The following GABRB1 variants were observed in gnomAD, a reference collection of about 807,000 sequenced individuals.
GABRB1 encodes gamma-aminobutyric acid receptor subunit beta-1.
Under a neutral mutation model 51.6 loss-of-function variants are expected in GABRB1, and 17 were observed. That is an observed-to-expected ratio of 0.33 (90% CI 0.23 to 0.49). The LOEUF (loss-of-function observed/expected upper bound fraction) is 0.49. Among genes scored for constraint, GABRB1 ranks in the 20% least tolerant of loss-of-function variants. The pLI, the probability that GABRB1 is intolerant of heterozygous loss-of-function variation, is 0.99. For synonymous variants in GABRB1, 247 were observed against 218.9 expected (o/e 1.13, Z -1.14); for missense variants, 410 against 600.6 (o/e 0.68, Z 3.32).
In GABRB1 at chr4:47,106,145, C is replaced by T. The variant is rs111823331; in HGVS notation, c.241-55104C>T. On this transcript the variant is annotated intron_variant, in intron 3 of 8. Transcript: ENST00000295454. Reference sequence around the variant, plus strand: ...GAGTGATGATCTTTTTATCTTTTTACGTAAAAATAGGTTTTTATTTGATCC... The same window carrying T: ...GAGTGATGATCTTTTTATCTTTTTATGTAAAAATAGGTTTTTATTTGATCC... Among the ~76,000 whole-genome samples, 1,181 of 152,020 alleles carry T rather than the reference C, an allele frequency of 7.8e-3. 12 individuals are homozygous for T. The highest frequency in any genetic ancestry group is 0.027 in the African/African-American group (1,101 of 41,488).
At chr4:47,105,301 A>G (rs1714912996) in intron 3 of GABRB1, among the ~76,000 whole-genome samples, 1 of 151,930 alleles carries the variant, frequency 6.6e-6, no homozygotes. Context: ...CAGAGAATCA[A>G]TCTCTCTTTT....
chr4:47,263,885 A>G (rs887262950), intron 4 of GABRB1, among the ~76,000 whole-genome samples: 4 of 152,208 alleles, frequency 2.6e-5, no homozygotes, highest in Admixed American at 6.5e-5. Flanking sequence ...CAGTGTTCAC[A>G]CTTGTAATCC....
At chr4:47,072,890 T>C (rs1236797580) in intron 3 of GABRB1, among the ~76,000 whole-genome samples, 2 of 152,178 alleles carry the variant, frequency 1.3e-5, no homozygotes, top group East Asian at 1.9e-4. Flanking sequence ...TAATCAGCAT[T>C]GTTAATGTGA....
intron 4 of GABRB1, among the ~76,000 whole-genome samples, chr4:47,161,843 A>G (rs1396527363): frequency 6.6e-6 from 1 of 152,074 alleles, no homozygotes; most frequent in African/African-American, 2.4e-5. Flanking sequence ...CAGAGTGTTC[A>G]TAAGCCCCTT....
chr4:47,091,793 C>T (rs1279078277), intron 3 of GABRB1, among the ~76,000 whole-genome samples: 1 of 152,214 alleles, frequency 6.6e-6, no homozygotes, highest in African/African-American at 2.4e-5. Flanking sequence ...CTGGCTCCTG[C>T]AACAGCCTCC....
intron 1 of GABRB1, among the ~76,000 whole-genome samples, chr4:47,003,732 AGAATCAGGATTG>A (rs762388962): frequency 1.9e-4 from 29 of 152,220 alleles, no homozygotes; most frequent in Non-Finnish European, 3.1e-4. Flanking sequence ...GCTAACTACC[AGAATCAGGATTG>A]GAATCCCAGT....
chr4:47,413,927 A>G (rs1728837104), intron 8 of GABRB1, among the ~76,000 whole-genome samples: 1 of 152,168 alleles, frequency 6.6e-6, no homozygotes, highest in Non-Finnish European at 1.5e-5. Flanking sequence ...GAAAATAGAG[A>G]TGGTATTTAG....
chr4:47,206,599 T>A (rs1720135287), intron 4 of GABRB1, among the ~76,000 whole-genome samples: 1 of 152,002 alleles, frequency 6.6e-6, no homozygotes, highest in South Asian at 2.1e-4. Context: ...TTTCATTTAA[T>A]CTTCAGAACA....
In GABRB1 at chr4:47,095,972, G is replaced by A. The variant is rs569933228; in HGVS notation, c.240+63488G>A. 9.8e-5 allele frequency among the ~76,000 whole-genome samples: 15 copies of A among 152,286 alleles called. No individual in the cohort carries two copies. The East Asian group carries it at 2.9e-3, about 29-fold the overall frequency. ...TATAAAGTGCTCAGAGTAGGATAAT[G>A]ACAAGTATCTCACTTCTTTATTGAT... On this transcript the variant is annotated intron_variant, in intron 3 of 8. Transcript: ENST00000295454.
intron 4 of GABRB1, among the ~76,000 whole-genome samples, chr4:47,186,437 G>T (rs558017702): frequency 6.6e-6 from 1 of 151,820 alleles, no homozygotes; most frequent in Non-Finnish European, 1.5e-5. Context: ...ATTTATGGAA[G>T]AAATTTGTCT....
chr4:47,387,408 G>T (rs927604439), intron 5 of GABRB1, among the ~76,000 whole-genome samples: 12 of 152,134 alleles, frequency 7.9e-5, no homozygotes, highest in Non-Finnish European at 1.6e-4. Flanking sequence ...GGAGGTAGAG[G>T]TTGCAATAAG....
rs2109998555 is a variant in GABRB1 at position 47,351,184 on chromosome 4, C to G, written c.544+30975C>G. Among the ~76,000 whole-genome samples the G allele has an allele frequency of 1.3e-5, 2 of 152,282 alleles. 1 individual carries two copies. The highest frequency in any genetic ancestry group is 4.1e-4 in the South Asian group (2 of 4,830). The stretch of plus-strand genomic sequence containing the variant: ...GTGAAAAAGAATCACATCTATAGGT[C>G]TCTGCCATGGCACCATATTGGAAAA... On this transcript the variant is annotated intron_variant, in intron 5 of 8. Coordinates refer to ENST00000295454, the MANE Select transcript of GABRB1 (RefSeq NM_000812.4).
upstream of GABRB1, among the ~76,000 whole-genome samples, chr4:47,028,216 T>C (rs1725163866): frequency 6.6e-6 from 1 of 151,756 alleles, no homozygotes; most frequent in African/African-American, 2.4e-5. Context: ...TAGGTGTGTA[T>C]GTTTATGGGG....
chr4:47,380,761 A>G (rs1042706568), intron 5 of GABRB1, among the ~76,000 whole-genome samples: 2 of 152,198 alleles, frequency 1.3e-5, no homozygotes, highest in African/African-American at 4.8e-5. Context: ...TAGTTATTCA[A>G]TGAAGATTGG....
chr4:47,047,140 TTAAAA>T lies in GABRB1; in HGVS notation c.240+14662_240+14666del, dbSNP rs559137812. Among the ~76,000 whole-genome samples the T allele has an allele frequency of 1.4e-3, 218 of 151,838 alleles. 2 individuals are homozygous for T. Among genetic ancestry groups the T allele is most frequent in the African/African-American group, 5.1e-3 (209 of 41,386 alleles). On this transcript the variant is annotated intron_variant, in intron 3 of 8. Coordinates refer to ENST00000295454, the MANE Select transcript of GABRB1 (RefSeq NM_000812.4). ...AACTTTCACATGTACTCCTCTGAAC[TTAAAA>T]TAAAAGTTAAAAAAAATTAAACAAA... is the stretch of plus-strand genomic sequence containing the variant.
chr4:47,330,246 A>G (rs926365294), intron 5 of GABRB1, among the ~76,000 whole-genome samples: 2 of 152,144 alleles, frequency 1.3e-5, no homozygotes, highest in Admixed American at 1.3e-4. Flanking sequence ...CAGTCTACTG[A>G]TTTAAATGTT....
At chr4:47,186,681 G>A (rs540725350) in intron 4 of GABRB1, among the ~76,000 whole-genome samples, 1 of 151,844 alleles carries the variant, frequency 6.6e-6, no homozygotes, top group Admixed American at 6.6e-5. Context: ...TCTCTGTCTT[G>A]AACAAATAAC....
intron 3 of GABRB1, among the ~76,000 whole-genome samples, chr4:47,095,295 G>A (rs1714352255): frequency 6.6e-6 from 1 of 151,844 alleles, no homozygotes; most frequent in South Asian, 2.1e-4. Flanking sequence ...AGCACTGGGG[G>A]CACCTTTCAG....
At chr4:47,359,014 C>T (rs922698282) in intron 5 of GABRB1, among the ~76,000 whole-genome samples, 1 of 152,076 alleles carries the variant, frequency 6.6e-6, no homozygotes, top group Non-Finnish European at 1.5e-5. Flanking sequence ...TGCCCAACTA[C>T]ATAGAAATTT....
Sources: allele counts gnomAD v4.1 joint callset (sites outside exome capture counted in the v4.1 genomes callset), GRCh38; gene constraint gnomAD v4.1.1; transcripts MANE v1.5; gene names NCBI Gene and HGNC (gene_info 2026-07-23, HGNC 2026-07-21).